The following ARHGEF10L variants were observed in gnomAD, a reference collection of about 807,000 sequenced individuals.
ARHGEF10L encodes rho guanine nucleotide exchange factor 10-like protein.
ARHGEF10L carries 69 observed loss-of-function variants against 141.2 expected under a neutral mutation model. The ratio of observed to expected loss-of-function variants is 0.49; its 90% confidence interval spans 0.40 to 0.60. ARHGEF10L has a LOEUF of 0.60. Ranked by LOEUF, ARHGEF10L falls within the 20% of genes least tolerant of loss-of-function variation. The pLI is 0.00. For missense variants in ARHGEF10L, 1,482 were observed against 1,734.3 expected, an observed-to-expected ratio of 0.85 and a Z score of 2.58; for synonymous variants, 711 against 718.5, an observed-to-expected ratio of 0.99 and a Z score of 0.17.
intron 2 of ARHGEF10L, among the ~76,000 whole-genome samples, chr1:17,582,732 C>T (rs992632484): frequency 3.9e-5 from 6 of 152,190 alleles, no homozygotes; most frequent in Admixed American, 6.5e-5. Context: ...CTCTTGGCAC[C>T]GTCTCAGTCT....
intron 27 of ARHGEF10L, chr1:17,691,226 A>G (rs541105461): frequency 2.5e-6 from 1 of 408,000 alleles, no homozygotes; most frequent in African/African-American, 2.1e-5. Flanking sequence ...AGTCTCTGTG[A>G]TAAAATATTT....
the ARHGEF10L span, among the ~76,000 whole-genome samples, chr1:17,524,422 A>ACAC: frequency 8.7e-5 from 7 of 80,868 alleles, no homozygotes; most frequent in South Asian, 8.2e-4. Context: ...CACACACACA[A>ACAC]AATTAGCCTG....
At chr1:17,520,331 G>A in the ARHGEF10L span, among the ~76,000 whole-genome samples, 41 of 152,288 alleles carry the variant, frequency 2.7e-4, no homozygotes, top group African/African-American at 8.9e-4. Flanking sequence ...GGGAGCCAGC[G>A]TACTCACCCT....
intron 7 of ARHGEF10L, among the ~76,000 whole-genome samples, chr1:17,609,919 A>G (rs2059454866): frequency 6.6e-6 from 1 of 152,108 alleles, no homozygotes; most frequent in Non-Finnish European, 1.5e-5. Flanking sequence ...TAGCCTCTCC[A>G]TATGGCAGGA....
At chr1:17,576,289 TG>T (rs1187512610) in intron 1 of ARHGEF10L, among the ~76,000 whole-genome samples, 3 of 151,920 alleles carry the variant, frequency 2.0e-5, no homozygotes, top group Non-Finnish European at 4.4e-5. Context: ...TAATAAGCAC[TG>T]ACTAAATTAG....
chr1:17,623,989 C>A lies in ARHGEF10L; in HGVS notation c.1201-398C>A, dbSNP rs2060244070. On this transcript the variant is annotated intron_variant, in intron 12 of 28. Coordinates refer to ENST00000361221, the MANE Select transcript of ARHGEF10L (RefSeq NM_018125.4). This position sits in a 1 kb window ranked among gnomAD's most constrained non-coding sequence, Gnocchi z 4.7. ...GCTGCCCGGTGAGAGGCCAGGAGCACTTTCCTTAAAGGTGGAGGGCAAGGG... is the reference window on the plus strand; with the variant it reads ...GCTGCCCGGTGAGAGGCCAGGAGCAATTTCCTTAAAGGTGGAGGGCAAGGG... Among the ~76,000 whole-genome samples the A allele has an allele frequency of 6.6e-6, 1 of 152,158 alleles. No homozygotes were observed. Among genetic ancestry groups the A allele is most frequent in the Non-Finnish European group, 1.5e-5 (1 of 68,022 alleles).
At position 17,697,205 on chromosome 1, in the gene ARHGEF10L, G is replaced by A. The variant is rs200620479; in HGVS notation, c.3665G>A (p.Arg1222His). The A allele has an allele frequency of 1.6e-5, 25 of 1,611,856 alleles. No homozygotes were observed. Among genetic ancestry groups the A allele is most frequent in the African/African-American group, 8.0e-5 (6 of 74,928 alleles). The change falls in exon 29 of 29, where the codon CGC becomes CAC. Residue 1222 changes from arginine (R) to histidine (H), a missense_variant. By Grantham distance (29) the Arg-to-His change is conservative. Around this residue, in one of 3 missense-constraint regions of ARHGEF10L, gnomAD observed 858 missense variants for 966.3 expected, o/e 0.89. Transcript: ENST00000361221. The surrounding 1 kb of genome is among the most constrained non-coding windows in gnomAD (Gnocchi z 4.8). ...GCCGACGACCCCGACATCTGGGTGC[G>A]CAGCCGGCCCTGCGCCCGCGACGCC... ...EMADDPDIWV[R>H]SRPCARDAHR...
intron 1 of ARHGEF10L, among the ~76,000 whole-genome samples, chr1:17,541,562 GGCT>G (rs1315840418): frequency 6.6e-6 from 1 of 152,238 alleles, no homozygotes; most frequent in Non-Finnish European, 1.5e-5. Flanking sequence ...TGGGTGTGGT[GGCT>G]CACCCTTGTA....
chr1:17,523,160 A>G, the ARHGEF10L span, among the ~76,000 whole-genome samples: 1 of 140,826 alleles, frequency 7.1e-6, no homozygotes, highest in Non-Finnish European at 1.5e-5. Context: ...ATCTTGGCTC[A>G]CTGCAACGTC....
chr1:17,653,141 C>T (rs1048633460), intron 22 of ARHGEF10L, among the ~76,000 whole-genome samples: 20 of 152,188 alleles, frequency 1.3e-4, no homozygotes, highest in African/African-American at 1.4e-4. Context: ...CCAGTCCCCA[C>T]GGCCATCCTG....
the ARHGEF10L span, among the ~76,000 whole-genome samples, chr1:17,526,862 C>A: frequency 6.6e-6 from 1 of 151,234 alleles, no homozygotes; most frequent in Non-Finnish European, 1.5e-5. Context: ...CAAGATCACA[C>A]CACTGCACTC....
At chr1:17,657,612 A>ATT (rs779320727) in intron 25 of ARHGEF10L, among the ~76,000 whole-genome samples, 4 of 146,656 alleles carry the variant, frequency 2.7e-5, no homozygotes, top group African/African-American at 1.0e-4. Flanking sequence ...TACTGAGCTA[A>ATT]TTTTTTTTTT....
At chr1:17,530,319 C>G in the ARHGEF10L span, among the ~76,000 whole-genome samples, 1 of 152,202 alleles carries the variant, frequency 6.6e-6, no homozygotes, top group Non-Finnish European at 1.5e-5. Flanking sequence ...AACCCTGGCA[C>G]CCCCACTTAA....
At chr1:17,595,244 T>C (rs1180582048) in intron 4 of ARHGEF10L, among the ~76,000 whole-genome samples, 1 of 144,862 alleles carries the variant, frequency 6.9e-6, no homozygotes, top group Non-Finnish European at 1.5e-5. Context: ...TTTTTTTTTT[T>C]TAAAGCTAAT....
At chr1:17,670,093 G>A (rs534673229) in intron 26 of ARHGEF10L, among the ~76,000 whole-genome samples, 2 of 152,256 alleles carry the variant, frequency 1.3e-5, no homozygotes, top group Non-Finnish European at 2.9e-5. Context: ...AGAAAGCACC[G>A]CGAGCCACGC....
chr1:17,656,853 C>CCAG lies in ARHGEF10L; in HGVS notation c.2860+146_2860+147insAGC. 9.4e-7 allele frequency: 1 copy of CCAG among 1,059,326 alleles called. No individual in the cohort carries two copies. The highest frequency in any genetic ancestry group is 1.3e-6 in the Non-Finnish European group (1 of 757,858). 65.6% of individuals were successfully genotyped at this position (1,059,326 alleles called of 1,614,324 possible). ...GAGGGCATTTGGAGATCCGTGAGCC[C>CCAG]CGCTGGGGTTCAATGGGTGGTCCCC... On this transcript the variant is annotated intron_variant, in intron 25 of 28. Coordinates refer to ENST00000361221, the MANE Select transcript of ARHGEF10L (RefSeq NM_018125.4). The surrounding 1 kb of genome is among the most constrained non-coding windows in gnomAD (Gnocchi z 4.9).
Position 17,697,092 on chromosome 1 carries a change from G to T in ARHGEF10L, c.3552G>T (p.Pro1184=). 2 of 1,607,756 alleles carry T rather than the reference G, an allele frequency of 1.2e-6. No homozygotes were observed. The highest frequency in any genetic ancestry group is 4.5e-5 in the East Asian group (2 of 44,658). Residue 1184 remains proline, a synonymous_variant, in exon 29 of 29, where the codon CCG becomes CCT. Transcript: ENST00000361221. The surrounding 1 kb of genome is among the most constrained non-coding windows in gnomAD (Gnocchi z 4.8). ...QYRLRSTAHL[P]GPLLSMREPA... Reference sequence around the variant, plus strand: ...GCCTGCGCTCCACCGCACACCTCCCGGGCCCGCTGCTCTCCATGCGGGAGC... The same window carrying T: ...GCCTGCGCTCCACCGCACACCTCCCTGGCCCGCTGCTCTCCATGCGGGAGC...
chr1:17,695,249 G>C lies in ARHGEF10L; in HGVS notation c.3276G>C (p.Val1092=). The C allele has an allele frequency of 6.3e-7, 1 of 1,599,224 alleles. No homozygotes were observed. Among genetic ancestry groups the C allele is most frequent in the Non-Finnish European group, 8.5e-7 (1 of 1,173,308 alleles). ...AGGGTGTCATCGTCCTGCTGCCCGT[G>C]CCTCGGCTGGAAGGCATCCCCAAGA... ...TDQGVIVLLP[V]PRLEGIPKIT... Residue 1092 remains valine (V), a synonymous_variant, in exon 28 of 29, where the codon GTG becomes GTC. Coordinates refer to ENST00000361221, the MANE Select transcript of ARHGEF10L (RefSeq NM_018125.4).
intron 28 of ARHGEF10L, 98 bp downstream of exon 28, chr1:17,695,378 A>AG: frequency 1.4e-6 from 2 of 1,455,012 alleles, no homozygotes; most frequent in Non-Finnish European, 1.8e-6. Context: ...TCATTGGTAT[A>AG]GGGATGGGGT....
Sources: gnomAD v4.1 joint callset for allele counts (sites outside exome capture counted in the v4.1 genomes callset) on GRCh38, gnomAD v4.1.1 for gene constraint, gnomAD v4.1.1 regional missense constraint, Gnocchi (gnomAD v3.1) non-coding constraint, MANE v1.5 for transcripts, NCBI Gene and HGNC (gene_info 2026-07-23, HGNC 2026-07-21) for gene names.